NIBAN1: variants seen among roughly 807,000 people sequenced by gnomAD.
The protein encoded by NIBAN1 is protein Niban 1.
A neutral mutation model predicts 75.1 loss-of-function variants in NIBAN1; 81 were observed. That is an observed-to-expected ratio of 1.08 (90% CI 0.90 to 1.30). NIBAN1 has a LOEUF of 1.30. Ranked by LOEUF, NIBAN1 falls within the 50% of genes most tolerant of loss-of-function variation. NIBAN1 has a pLI of 0.00. For synonymous variants in NIBAN1, 436 were observed against 424.8 expected, an observed-to-expected ratio of 1.03 and a Z score of -0.32; for missense variants, 1,133 against 1,128.1, an observed-to-expected ratio of 1.00 and a Z score of -0.06.
intron 8 of NIBAN1, among the ~76,000 whole-genome samples, chr1:184,820,680 A>C: frequency 6.6e-6 from 1 of 152,258 alleles, no homozygotes; most frequent in African/African-American, 2.4e-5. Context: ...AAGTGAAGGA[A>C]GGAGCTGAAC....
At chr1:184,855,013 G>A (rs76831113) in intron 5 of NIBAN1, among the ~76,000 whole-genome samples, 424 of 152,322 alleles carry the variant, frequency 2.8e-3, no homozygotes, top group African/African-American at 9.5e-3. Context: ...TCCTATGTTG[G>A]TGTGTTAATG....
At chr1:184,912,437 G>A (rs1173971921) in intron 1 of NIBAN1, among the ~76,000 whole-genome samples, 1 of 152,092 alleles carries the variant, frequency 6.6e-6, no homozygotes, top group Non-Finnish European at 1.5e-5. Context: ...GCCCTCCAAA[G>A]TGGCTGCGCA....
At chr1:184,948,643 G>A (rs1658287605) in intron 1 of NIBAN1, among the ~76,000 whole-genome samples, 2 of 152,154 alleles carry the variant, frequency 1.3e-5, no homozygotes, top group South Asian at 4.1e-4. Flanking sequence ...GAAGAGAATG[G>A]TTAAATAAAT....
At chr1:184,898,563 C>T (rs1404466031) in intron 2 of NIBAN1, among the ~76,000 whole-genome samples, 2 of 152,288 alleles carry the variant, frequency 1.3e-5, no homozygotes, top group East Asian at 3.9e-4. Flanking sequence ...TTGCAGTGAG[C>T]CGCGATTGTA....
chr1:184,964,456 T>C (rs145469877), intron 1 of NIBAN1, among the ~76,000 whole-genome samples: 212 of 152,336 alleles, frequency 1.4e-3, no homozygotes, highest in African/African-American at 4.5e-3. Flanking sequence ...GCAAGGACTT[T>C]GGAGGCAGAA....
At chr1:184,913,157 T>G (rs1657293749) in intron 1 of NIBAN1, among the ~76,000 whole-genome samples, 2 of 148,778 alleles carry the variant, frequency 1.3e-5, no homozygotes, top group South Asian at 4.2e-4. Context: ...ATATATATTA[T>G]ATATATATGC....
At chr1:184,907,217 T>G (rs1163098986) in intron 1 of NIBAN1, among the ~76,000 whole-genome samples, 2 of 95,916 alleles carry the variant, frequency 2.1e-5, no homozygotes, top group Admixed American at 1.7e-4. Flanking sequence ...TCCTATAAAA[T>G]TGCAAAAAAA....
chr1:184,801,016 G>A lies in NIBAN1; in HGVS notation c.1554+2569C>T, dbSNP rs915938757. On this transcript the variant is annotated intron_variant, in intron 12 of 13. Transcript: ENST00000367511. The stretch of plus-strand genomic sequence containing the variant: ...GTTTCCAAATGGCTTGCCTTTTATC[G>A]GCATGAGGACAGGGCAGGGATCAAA... Among the ~76,000 whole-genome samples the A allele has an allele frequency of 3.3e-5, 5 of 152,160 alleles. No homozygotes were observed. In the East Asian group the frequency reaches 7.7e-4, roughly 24 times the overall value.
intron 9 of NIBAN1, among the ~76,000 whole-genome samples, chr1:184,811,509 T>TTTTGTTTTTTG (rs1654375369): frequency 7.0e-6 from 1 of 143,752 alleles, no homozygotes; most frequent in Non-Finnish European, 1.5e-5. Context: ...TCCTTTTTTT[T>TTTTGTTTTTTG]TTTGTTTTTT....
At chr1:184,947,909 T>C (rs1000046788) in intron 1 of NIBAN1, among the ~76,000 whole-genome samples, 2 of 152,210 alleles carry the variant, frequency 1.3e-5, no homozygotes, top group African/African-American at 4.8e-5. Flanking sequence ...AAGCATGAAG[T>C]TATCTTTAAT....
intron 12 of NIBAN1, 91 bp downstream of exon 12, chr1:184,803,494 G>A: frequency 1.1e-6 from 1 of 947,356 alleles, no homozygotes; most frequent in South Asian, 1.4e-5. Flanking sequence ...CCCTGGTCTA[G>A]TCTGCTGTTT....
chr1:184,879,181 A>C (rs1656312147), intron 5 of NIBAN1, among the ~76,000 whole-genome samples: 1 of 152,254 alleles, frequency 6.6e-6, no homozygotes, highest in Non-Finnish European at 1.5e-5. Context: ...TTTTGCTTGC[A>C]GTGCATAGAG....
chr1:184,884,391 A>AC (rs1230337604), intron 5 of NIBAN1, among the ~76,000 whole-genome samples: 3 of 151,132 alleles, frequency 2.0e-5, no homozygotes, highest in African/African-American at 7.3e-5. Flanking sequence ...GTCCAGCTAT[A>AC]TTTTTTTGTA....
chr1:184,942,693 C>CAAA (rs1235041623), intron 1 of NIBAN1, among the ~76,000 whole-genome samples: 49 of 78,212 alleles, frequency 6.3e-4, no homozygotes, highest in African/African-American at 1.2e-3. Context: ...GACTCCGTCT[C>CAAA]AAAAAAAAAA....
rs1657061842 is a variant in NIBAN1, at chr1:184,905,239, A to G, written c.56-5930T>C. Among the ~76,000 whole-genome samples the G allele has an allele frequency of 2.0e-5, 3 of 152,128 alleles. No homozygotes were observed. In the South Asian group the frequency reaches 6.2e-4, roughly 32 times the overall value. On this transcript the variant is annotated intron_variant, in intron 1 of 13. Transcript: ENST00000367511. The stretch of plus-strand genomic sequence containing the variant: ...CCACTCAAAGGTAGCATGAGTTACA[A>G]AAAGGCCCAGATGTTAGAGGTGGGA...
chr1:184,928,969 C>T (rs1017701090), intron 1 of NIBAN1, among the ~76,000 whole-genome samples: 1 of 152,140 alleles, frequency 6.6e-6, no homozygotes, highest in African/African-American at 2.4e-5. Context: ...TTGTCCCCAC[C>T]CTACTCTACC....
intron 1 of NIBAN1, among the ~76,000 whole-genome samples, chr1:184,951,831 C>G (rs1355144160): frequency 6.6e-6 from 1 of 152,206 alleles, no homozygotes; most frequent in Non-Finnish European, 1.5e-5. Flanking sequence ...ATAAGTCCCC[C>G]TGAGATGTGA....
At chr1:184,868,845 C>T (rs910878044) in intron 5 of NIBAN1, among the ~76,000 whole-genome samples, 19 of 152,112 alleles carry the variant, frequency 1.2e-4, no homozygotes, top group African/African-American at 4.3e-4. Context: ...GGCTTGAAGT[C>T]GGCCTGCTTG....
At chr1:184,891,579 A>G (rs1289557613) in intron 3 of NIBAN1, among the ~76,000 whole-genome samples, 1 of 152,176 alleles carries the variant, frequency 6.6e-6, no homozygotes, top group East Asian at 1.9e-4. Flanking sequence ...CATTTTTCAA[A>G]TGGGAAACAT....
Sources: allele counts gnomAD v4.1 joint callset (sites outside exome capture counted in the v4.1 genomes callset), GRCh38; gene constraint gnomAD v4.1.1; transcripts MANE v1.5; gene names NCBI Gene and HGNC (gene_info 2026-07-23, HGNC 2026-07-21).